Variants in ACTR3 observed in about 807,000 individuals in gnomAD.
ACTR3 encodes the protein actin-related protein 3.
In ACTR3, 12 loss-of-function variants were observed where a neutral mutation model predicts 56.8. The observed-to-expected ratio is 0.21, with a 90% CI of 0.14 to 0.34. The LOEUF (loss-of-function observed/expected upper bound fraction) is 0.34. ACTR3 is among the 10% of genes least tolerant of loss of function. The pLI is 1.00. For synonymous variants in ACTR3, 162 were observed against 167.4 expected (o/e 0.97, Z 0.25); for missense variants, 282 against 512.5 (o/e 0.55, Z 4.34).
At chr2:113,927,817 C>T (rs1356626296) in intron 4 of ACTR3, among the ~76,000 whole-genome samples, 1 of 152,046 alleles carries the variant, frequency 6.6e-6, no homozygotes, top group South Asian at 2.1e-4. Context: ...ACAATATAAT[C>T]TAACTTTTTA....
At position 113,959,809 on chromosome 2, in the gene ACTR3, C is replaced by G. The variant is rs1210951277; in HGVS notation, c.*2354C>G. 2.0e-5 allele frequency: 3 copies of G among 152,040 alleles called. No homozygotes were observed. Among genetic ancestry groups the G allele is most frequent in the Non-Finnish European group, 2.9e-5 (2 of 67,942 alleles). The allele number at this position is 152,040 out of a possible 1,614,324, so 9.4% of individuals were successfully genotyped here. ...AGCAACGTGAGCATGGTAGCAAAAGCACTAACTGAAGCCAGTGATTTAATT... is the reference window on the plus strand; with the variant it reads ...AGCAACGTGAGCATGGTAGCAAAAGGACTAACTGAAGCCAGTGATTTAATT... On this transcript the variant is annotated 3_prime_UTR_variant, in exon 12 of 12. Transcript: ENST00000263238.
intron 10 of ACTR3, chr2:113,954,291 T>G (rs1680171164): frequency 6.7e-6 from 1 of 148,542 alleles, no homozygotes. Flanking sequence ...CAGACTATCC[T>G]GTTTCTCTTT....
intron 7 of ACTR3, among the ~76,000 whole-genome samples, chr2:113,940,820 ATT>A (rs58868582): frequency 4.1e-5 from 5 of 121,968 alleles, no homozygotes; most frequent in Non-Finnish European, 7.1e-5. Context: ...ATTTTTATTG[ATT>A]TTTTTTTTTT....
intron 2 of ACTR3, among the ~76,000 whole-genome samples, chr2:113,913,916 T>G (rs1481630518): frequency 3.3e-5 from 5 of 152,220 alleles, no homozygotes; most frequent in African/African-American, 1.2e-4. Context: ...TGCAAACAGT[T>G]CACGTTTTTT....
At chr2:113,938,204 T>C (rs1679862297) in intron 6 of ACTR3, among the ~76,000 whole-genome samples, 1 of 152,188 alleles carries the variant, frequency 6.6e-6, no homozygotes, top group Non-Finnish European at 1.5e-5. Context: ...TGGGTCTTTT[T>C]ATATCTTCCA....
intron 3 of ACTR3, among the ~76,000 whole-genome samples, chr2:113,920,026 C>G (rs576648302): frequency 7.2e-5 from 11 of 152,154 alleles, no homozygotes; most frequent in Non-Finnish European, 1.6e-4. Context: ...TGGGTTCAGG[C>G]GATTCTCCTG....
intron 8 of ACTR3, among the ~76,000 whole-genome samples, chr2:113,948,228 C>T (rs11887418): frequency 0.18 from 26,637 of 152,054 alleles, 4,177 homozygotes; most frequent in African/African-American, 0.4. Context: ...AGTCATGGCT[C>T]GCTGCAGTCT....
At chr2:113,904,906 C>T (rs1226229102) in intron 1 of ACTR3, 1 of 152,050 alleles carries the variant, frequency 6.6e-6, no homozygotes, top group African/African-American at 2.4e-5. Flanking sequence ...CTGTCCTTCC[C>T]TCCCTTGTCA....
At chr2:113,947,440 C>T (rs1451627332) in intron 8 of ACTR3, among the ~76,000 whole-genome samples, 1 of 152,052 alleles carries the variant, frequency 6.6e-6, no homozygotes, top group Non-Finnish European at 1.5e-5. Flanking sequence ...TCACTCAAGC[C>T]CAGGAGTTTA....
chr2:113,893,097 C>G (rs562839084), intron 1 of ACTR3, among the ~76,000 whole-genome samples: 2 of 152,116 alleles, frequency 1.3e-5, no homozygotes, highest in Non-Finnish European at 2.9e-5. Context: ...CATAGATTCC[C>G]ATTGGTGGCT....
intron 8 of ACTR3, among the ~76,000 whole-genome samples, chr2:113,950,364 C>T (rs1415228860): frequency 6.6e-6 from 1 of 152,124 alleles, no homozygotes; most frequent in Non-Finnish European, 1.5e-5. Context: ...AAAACCGTGC[C>T]ACTAAATAGA....
rs1256744783 is a variant in ACTR3 at position 113,961,509 on chromosome 2, TTGG to T, written c.*4057_*4059del. 1 of 152,034 alleles carries T rather than the reference TTGG, an allele frequency of 6.6e-6. No homozygotes were observed. The highest frequency in any genetic ancestry group is 2.4e-5 in the African/African-American group (1 of 41,438). 9.4% of individuals were successfully genotyped at this position (152,034 alleles called of 1,614,324 possible). On this transcript the variant is annotated 3_prime_UTR_variant, in exon 12 of 12. Transcript: ENST00000263238. Reference sequence around the variant, plus strand: ...TTGTTTTCTAGTGTTCTGTCAATTTTTGGTGACTTTTATAATTACATTAAAACT... The same window carrying T: ...TTGTTTTCTAGTGTTCTGTCAATTTTTGACTTTTATAATTACATTAAAACT...
At chr2:113,920,284 C>T (rs930918160) in intron 3 of ACTR3, among the ~76,000 whole-genome samples, 4 of 152,148 alleles carry the variant, frequency 2.6e-5, no homozygotes, top group Admixed American at 1.3e-4. Flanking sequence ...TCTCAAACTC[C>T]TGGGCTCAAG....
chr2:113,938,993 G>A lies in ACTR3; in HGVS notation c.541-966G>A, dbSNP rs1014801115. On this transcript the variant is annotated intron_variant, in intron 6 of 11. Coordinates refer to ENST00000263238, the MANE Select transcript of ACTR3 (RefSeq NM_005721.5). Reference sequence around the variant, plus strand: ...TTAGAAAGTATCTCTGCCCTACTCTGCCGATTGTCAAATGTCTGAAAACCT... The same window carrying A: ...TTAGAAAGTATCTCTGCCCTACTCTACCGATTGTCAAATGTCTGAAAACCT... Among the ~76,000 whole-genome samples, 44 of 151,764 alleles carry A rather than the reference G, an allele frequency of 2.9e-4. 1 individual carries two copies. Among genetic ancestry groups the A allele is most frequent in the Admixed American group, 2.7e-3 (41 of 15,238 alleles).
At chr2:113,916,134 TA>T (rs1219202961) in intron 2 of ACTR3, among the ~76,000 whole-genome samples, 8 of 152,210 alleles carry the variant, frequency 5.3e-5, no homozygotes, top group African/African-American at 1.7e-4. Context: ...CCCACTTTCT[TA>T]AGGATATAGC....
At chr2:113,948,471 G>A (rs1024043738) in intron 8 of ACTR3, among the ~76,000 whole-genome samples, 1 of 152,102 alleles carries the variant, frequency 6.6e-6, no homozygotes, top group Admixed American at 6.6e-5. Context: ...GTTGTCTGTC[G>A]AATTCCAACT....
chr2:113,949,371 C>T (rs1432656758), intron 8 of ACTR3, among the ~76,000 whole-genome samples: 5 of 107,352 alleles, frequency 4.7e-5, no homozygotes, highest in Admixed American at 1.1e-4. Context: ...GATCGAGACT[C>T]GGTCTCAAAA....
At chr2:113,954,965 T>C (rs1362932346) in intron 10 of ACTR3, 2 of 152,200 alleles carry the variant, frequency 1.3e-5, no homozygotes, top group Non-Finnish European at 2.9e-5. Context: ...TCTCCAGTTA[T>C]AGAAGGTTCA....
chr2:113,938,476 CAG>C (rs1679867743), intron 6 of ACTR3, among the ~76,000 whole-genome samples: 1 of 152,198 alleles, frequency 6.6e-6, no homozygotes, highest in Non-Finnish European at 1.5e-5. Context: ...TTGATCCTCT[CAG>C]GGGCTCCTTT....
Sources: allele counts gnomAD v4.1 joint callset (sites outside exome capture counted in the v4.1 genomes callset), GRCh38; gene constraint gnomAD v4.1.1; transcripts MANE v1.5; gene names NCBI Gene and HGNC (gene_info 2026-07-23, HGNC 2026-07-21).